Variants in CENPP observed in about 807,000 individuals in gnomAD.
The protein encoded by CENPP is centromere protein P.
Under a neutral mutation model 35.6 loss-of-function variants are expected in CENPP, and 24 were observed. The observed-to-expected ratio is 0.67, with a 90% CI of 0.49 to 0.95. The LOEUF is 0.95. Among genes scored for constraint, CENPP ranks in the 40% least tolerant of loss-of-function variants. The pLI, the probability that CENPP is intolerant of heterozygous loss-of-function variation, is 0.00. For synonymous variants in CENPP, 120 were observed against 125.5 expected, an observed-to-expected ratio of 0.96 and a Z score of 0.29; for missense variants, 332 against 345.3, an observed-to-expected ratio of 0.96 and a Z score of 0.31.
At chr9:92,548,169 A>G (rs1588265546) in intron 5 of CENPP, among the ~76,000 whole-genome samples, 1 of 152,288 alleles carries the variant, frequency 6.6e-6, no homozygotes, top group Non-Finnish European at 1.5e-5. Context: ...AAGGCTCATG[A>G]TCCTCCCTTG....
chr9:92,356,218 A>G (rs1841585156), intron 4 of CENPP, among the ~76,000 whole-genome samples: 1 of 152,222 alleles, frequency 6.6e-6, no homozygotes. Context: ...ATTCTCTGTC[A>G]CTCAACTAAC....
chr9:92,325,863 A>G (rs1170613184), upstream of CENPP: 31 of 643,478 alleles, frequency 4.8e-5, no homozygotes, highest in South Asian at 4.5e-4. Context: ...GGTCACGCGG[A>G]GCTCTCCCGC....
intron 3 of CENPP, among the ~76,000 whole-genome samples, chr9:92,338,833 G>T (rs556794013): frequency 1.6e-4 from 24 of 152,236 alleles, no homozygotes; most frequent in African/African-American, 5.8e-4. Context: ...GGATGATCTT[G>T]TACCTCGTAT....
At chr9:92,547,360 A>G (rs868249580) in intron 5 of CENPP, among the ~76,000 whole-genome samples, 1 of 152,368 alleles carries the variant, frequency 6.6e-6, no homozygotes, top group East Asian at 1.9e-4. Context: ...ACAATTGTTC[A>G]TTGCTACACT....
intron 5 of CENPP, among the ~76,000 whole-genome samples, chr9:92,522,228 A>G (rs1357418404): frequency 6.6e-6 from 1 of 152,060 alleles, no homozygotes; most frequent in Non-Finnish European, 1.5e-5. Flanking sequence ...CTGGGATTAC[A>G]GGTACATGCC....
intron 5 of CENPP, chr9:92,539,100 C>T (rs1158070677): frequency 2.6e-5 from 4 of 152,202 alleles, no homozygotes; most frequent in African/African-American, 4.8e-5. Flanking sequence ...GTGCCTACAA[C>T]CCCTGCCCAC....
rs1564261857 is a variant in CENPP at position 92,332,208 on chromosome 9, G to T, written c.146G>T (p.Gly49Val). ...FQAIHQFNLEGWKSSKDLKNQ... is the reference protein window; with the variant it reads ...FQAIHQFNLEVWKSSKDLKNQ... ...GCCATACACCAATTCAATTTGGAAGGATGGAAGTCTTCAAAAGATCTGAAA... is the reference window on the plus strand; with the variant it reads ...GCCATACACCAATTCAATTTGGAAGTATGGAAGTCTTCAAAAGATCTGAAA... The change falls in exon 2 of 8, where the codon GGA becomes GTA. Residue 49 changes from glycine to valine, a missense_variant. Physicochemically the swap from Gly to Val is moderately radical, Grantham distance 109. Transcript: ENST00000375587. 7 of 1,610,938 alleles carry T rather than the reference G, an allele frequency of 4.3e-6. No homozygotes were observed. Among genetic ancestry groups the T allele is most frequent in the African/African-American group, 2.7e-5 (2 of 74,726 alleles).
At position 92,619,413 on chromosome 9, in the gene CENPP, C is replaced by A; in HGVS notation, c.*6264C>A. 1 of 1,217,512 alleles carries A rather than the reference C, an allele frequency of 8.2e-7. No individual in the cohort carries two copies. The highest frequency in any genetic ancestry group is 1.3e-5 in the South Asian group (1 of 77,324). 75.4% of individuals were successfully genotyped at this position (1,217,512 alleles called of 1,614,324 possible). A position where few individuals can be genotyped will look rare whatever the true frequency, so the allele number is the denominator to read the frequency against. On this transcript the variant is annotated 3_prime_UTR_variant, in exon 8 of 8. Transcript: ENST00000375587. ...TCTAAATATGGGGAAACCAACTATC[C>A]TATTAACAATTCACCAACTGTCCAT...
intron 5 of CENPP, among the ~76,000 whole-genome samples, chr9:92,543,536 T>C (rs1849363560): frequency 6.6e-6 from 1 of 151,100 alleles, no homozygotes. Flanking sequence ...TTGTGATTCC[T>C]TACGAATTTT....
intron 5 of CENPP, chr9:92,404,650 C>T (rs1424440885): frequency 7.9e-7 from 1 of 1,266,028 alleles, no homozygotes; most frequent in Non-Finnish European, 1.0e-6. Flanking sequence ...GAACAGTTTC[C>T]ATGTGGTAGA....
chr9:92,514,665 C>G, intron 5 of CENPP: 1 of 1,602,026 alleles, frequency 6.2e-7, no homozygotes, highest in Non-Finnish European at 8.5e-7. Context: ...GTGGTGCTGT[C>G]AGCGGTGGTA....
intron 5 of CENPP, among the ~76,000 whole-genome samples, chr9:92,390,591 C>CGCGT (rs1459019629): frequency 2.1e-5 from 3 of 141,590 alleles, no homozygotes; most frequent in Non-Finnish European, 4.7e-5. Flanking sequence ...TGTGTGTGCG[C>CGCGT]GCGCGCGTAC....
chr9:92,533,320 A>ATAT (rs1563991340), intron 5 of CENPP, among the ~76,000 whole-genome samples: 4 of 92,470 alleles, frequency 4.3e-5, no homozygotes, highest in East Asian at 5.5e-4. Flanking sequence ...AAAAAAAAAA[A>ATAT]AAAAAAAAAT....
chr9:92,385,481 C>T, intron 5 of CENPP: 1 of 705,604 alleles, frequency 1.4e-6, no homozygotes, highest in Non-Finnish European at 2.3e-6. Flanking sequence ...AGATTTTGAA[C>T]ATCCTTGCTT....
At chr9:92,542,706 A>G (rs547390199) in intron 5 of CENPP, among the ~76,000 whole-genome samples, 2 of 152,194 alleles carry the variant, frequency 1.3e-5, no homozygotes, top group East Asian at 1.9e-4. Flanking sequence ...TAGTAGAGAC[A>G]AGGTTTCAGC....
At chr9:92,400,264 C>T (rs944226229) in intron 5 of CENPP, among the ~76,000 whole-genome samples, 1 of 152,178 alleles carries the variant, frequency 6.6e-6, no homozygotes, top group African/African-American at 2.4e-5. Flanking sequence ...AATTCTCTGC[C>T]TCAGCTTCCC....
At chr9:92,608,978 A>G (rs921166996) in intron 5 of CENPP, among the ~76,000 whole-genome samples, 5 of 152,212 alleles carry the variant, frequency 3.3e-5, no homozygotes, top group African/African-American at 4.8e-5. Context: ...AGCCGTCCCA[A>G]TGAGTCCCAA....
intron 5 of CENPP, chr9:92,384,628 T>G (rs1264317466): frequency 6.6e-6 from 1 of 152,126 alleles, no homozygotes; most frequent in Non-Finnish European, 1.5e-5. Context: ...AATCAGAAAG[T>G]GTTACTCAGA....
chr9:92,612,927 C>T lies in CENPP; in HGVS notation c.737-92C>T, dbSNP rs1430067577. 4.7e-5 allele frequency: 68 copies of T among 1,456,234 alleles called. No homozygotes were observed. The South Asian group carries it at 5.3e-4, about 11-fold the overall frequency. 90.2% of individuals were successfully genotyped at this position (1,456,234 alleles called of 1,614,324 possible). ...CCCATGCAGCTAGTCGGGAGGAGTG[C>T]GGGGTCTTGGTGAGGTCCATGCCAG... is the stretch of plus-strand genomic sequence containing the variant. On this transcript the variant is annotated intron_variant, in intron 7 of 7. Transcript: ENST00000375587.
Sources: gnomAD v4.1 joint callset for allele counts (sites outside exome capture counted in the v4.1 genomes callset) on GRCh38, gnomAD v4.1.1 for gene constraint, MANE v1.5 for transcripts, NCBI Gene and HGNC (gene_info 2026-07-23, HGNC 2026-07-21) for gene names.